NUTM2E: variants seen among roughly 807,000 people sequenced by gnomAD.
NUTM2E encodes family with sequence similarity 22, member E.
A neutral mutation model predicts 26.1 loss-of-function variants in NUTM2E; 3 were observed. The ratio of observed to expected loss-of-function variants is 0.12; its 90% CI spans 0.05 to 0.30. The LOEUF (loss-of-function observed/expected upper bound fraction) is 0.30, where lower values mean the gene tolerates loss of function less well. NUTM2E is among the 10% of genes least tolerant of loss of function. The probability of loss-of-function intolerance (pLI) is 1.00; values close to 1 mark genes in which losing one functional copy is unlikely to be tolerated. For missense variants in NUTM2E, 62 were observed against 381.3 expected (o/e 0.16, Z 6.97); for synonymous variants, 13 against 157.5 (o/e 0.08, Z 6.87).
chr10:79,837,408 A>G (rs1318429399), intron 1 of NUTM2E, among the ~76,000 whole-genome samples: 3 of 152,154 alleles, frequency 2.0e-5, no homozygotes, highest in Non-Finnish European at 2.9e-5. Context: ...GCTGGGAAAT[A>G]ATCAACTTTT....
At chr10:79,833,845 G>C (rs1841943882) in intron 1 of NUTM2E, among the ~76,000 whole-genome samples, 1 of 151,656 alleles carries the variant, frequency 6.6e-6, no homozygotes. Context: ...ATTTGACCCA[G>C]TAATCCCATT....
At chr10:79,828,716 A>C (rs1363913634) in intron 1 of NUTM2E, among the ~76,000 whole-genome samples, 1 of 151,874 alleles carries the variant, frequency 6.6e-6, no homozygotes, top group Non-Finnish European at 1.5e-5. Flanking sequence ...CTAGCCACTT[A>C]TTAGCTGGGT....
At chr10:79,837,904 T>C (rs1239919175) in intron 1 of NUTM2E, among the ~76,000 whole-genome samples, 1 of 151,740 alleles carries the variant, frequency 6.6e-6, no homozygotes, top group African/African-American at 2.4e-5. Context: ...CTCAGACAAC[T>C]AAATAGGCAA....
intron 1 of NUTM2E, among the ~76,000 whole-genome samples, chr10:79,835,297 A>T (rs1156516195): frequency 1.3e-5 from 2 of 151,502 alleles, no homozygotes; most frequent in African/African-American, 4.8e-5. Context: ...CAATTATAAA[A>T]CAGGGAATAA....
At chr10:79,833,553 T>C (rs1841941348) in intron 1 of NUTM2E, among the ~76,000 whole-genome samples, 1 of 151,534 alleles carries the variant, frequency 6.6e-6, no homozygotes, top group African/African-American at 2.4e-5. Flanking sequence ...GTGAAGGAAA[T>C]GAACAGACAC....
At chr10:79,834,459 G>T (rs1158186634) in intron 1 of NUTM2E, among the ~76,000 whole-genome samples, 1 of 151,590 alleles carries the variant, frequency 6.6e-6, no homozygotes, top group Non-Finnish European at 1.5e-5. Flanking sequence ...CAAGCACTTT[G>T]GGAGCCCGAG....
chr10:79,833,511 C>T (rs567784153), intron 1 of NUTM2E, among the ~76,000 whole-genome samples: 8 of 151,532 alleles, frequency 5.3e-5, no homozygotes, highest in African/African-American at 1.9e-4. Flanking sequence ...TAAACAAATT[C>T]ACAAGAGAAA....
chr10:79,836,596 A>AATG (rs1841964913), intron 1 of NUTM2E, among the ~76,000 whole-genome samples: 1 of 151,922 alleles, frequency 6.6e-6, no homozygotes, highest in Non-Finnish European at 1.5e-5. Context: ...TTTTATGATG[A>AATG]ATGATGAAAC....
chr10:79,830,780 T>G (rs551550479), intron 1 of NUTM2E, among the ~76,000 whole-genome samples: 1 of 151,992 alleles, frequency 6.6e-6, no homozygotes, highest in African/African-American at 2.4e-5. Flanking sequence ...TTACTCATAT[T>G]CTTCATAAAC....
intron 1 of NUTM2E, among the ~76,000 whole-genome samples, chr10:79,828,398 C>G (rs1368550569): frequency 6.6e-6 from 1 of 151,862 alleles, no homozygotes; most frequent in Non-Finnish European, 1.5e-5. Flanking sequence ...AACAAGAATC[C>G]ACTGAAGACC....
At chr10:79,831,067 T>A (rs1048547300) in intron 1 of NUTM2E, among the ~76,000 whole-genome samples, 2 of 151,842 alleles carry the variant, frequency 1.3e-5, no homozygotes, top group Non-Finnish European at 2.9e-5. Flanking sequence ...TTCAAAATTA[T>A]TTTCCCTAAA....
rs1210000058 is a variant in NUTM2E at position 79,826,954 on chromosome 10, G to C, written c.-3131G>C. 6.7e-6 allele frequency: 1 copy of C among 148,654 alleles called. No individual in the cohort carries two copies. Among genetic ancestry groups the C allele is most frequent in the Non-Finnish European group, 1.5e-5 (1 of 66,904 alleles). 9.2% of individuals were successfully genotyped at this position (148,654 alleles called of 1,614,324 possible). On this transcript the variant is annotated 5_prime_UTR_variant, in exon 1 of 10. Transcript: ENST00000429984. The stretch of plus-strand genomic sequence containing the variant: ...TGCTGCCGGGCACCGTCGAGCGTTA[G>C]CCACCCAGCATTGAGCTGCCAGCGG...
intron 1 of NUTM2E, among the ~76,000 whole-genome samples, chr10:79,828,701 G>A (rs1299645525): frequency 6.6e-6 from 1 of 151,850 alleles, no homozygotes; most frequent in African/African-American, 2.4e-5. Flanking sequence ...GTGTTTAATC[G>A]TGTCCTAGCC....
chr10:79,834,791 G>C (rs1235162605), intron 1 of NUTM2E, among the ~76,000 whole-genome samples: 2 of 144,972 alleles, frequency 1.4e-5, no homozygotes, highest in Non-Finnish European at 3.0e-5. Flanking sequence ...GTTTTAGATA[G>C]TTGTGTTTTT....
At chr10:79,829,226 C>G (rs973095848) in intron 1 of NUTM2E, among the ~76,000 whole-genome samples, 2 of 151,516 alleles carry the variant, frequency 1.3e-5, no homozygotes, top group African/African-American at 4.8e-5. Flanking sequence ...TACTACAGTT[C>G]CACAGGGGCT....
intron 1 of NUTM2E, among the ~76,000 whole-genome samples, chr10:79,836,030 T>C (rs1841960640): frequency 6.6e-6 from 1 of 151,626 alleles, no homozygotes. Flanking sequence ...AGAGGATTCT[T>C]CTCTCACAGA....
intron 1 of NUTM2E, among the ~76,000 whole-genome samples, chr10:79,832,032 A>G (rs1288135057): frequency 1.2e-4 from 18 of 152,116 alleles, no homozygotes; most frequent in African/African-American, 4.1e-4. Context: ...AGAGAGAAAG[A>G]GATTATCTCT....
intron 1 of NUTM2E, among the ~76,000 whole-genome samples, chr10:79,832,704 C>T (rs1172206403): frequency 2.0e-5 from 3 of 151,572 alleles, no homozygotes; most frequent in African/African-American, 7.3e-5. Flanking sequence ...ATAACAAATG[C>T]ATATTCTGAA....
chr10:79,833,955 C>G (rs192058495), intron 1 of NUTM2E, among the ~76,000 whole-genome samples: 1 of 151,916 alleles, frequency 6.6e-6, no homozygotes, highest in Non-Finnish European at 1.5e-5. Context: ...AGACTTTGAA[C>G]CAACCCAAAT....
Sources: gnomAD v4.1 joint callset for allele counts (sites outside exome capture counted in the v4.1 genomes callset) on GRCh38, gnomAD v4.1.1 for gene constraint, MANE v1.5 for transcripts, NCBI Gene and HGNC (gene_info 2026-07-23, HGNC 2026-07-21) for gene names.